Variants in LRP1B observed in about 807,000 individuals in gnomAD.
LRP1B encodes the protein LDL receptor related protein 1B, also known as low-density lipoprotein receptor-related protein 1B.
LRP1B carries 217 observed loss-of-function variants against 556.6 expected under a neutral mutation model. The observed-to-expected ratio is 0.39, with a 90% CI of 0.35 to 0.44. The LOEUF (loss-of-function observed/expected upper bound fraction) is 0.44. Among genes scored for constraint, LRP1B ranks in the 20% least tolerant of loss-of-function variants. LRP1B has a pLI of 1.00. For missense variants in LRP1B, 5,053 were observed against 5,620.8 expected (o/e 0.90, Z 3.23); for synonymous variants, 2,047 against 1,865.8 (o/e 1.10, Z -2.50).
intron 7 of LRP1B, among the ~76,000 whole-genome samples, chr2:141,182,489 A>G (rs1370724933): frequency 1.3e-5 from 2 of 151,968 alleles, no homozygotes; most frequent in East Asian, 3.9e-4. Context: ...GTTGTTTCAA[A>G]TATACACTGA....
chr2:141,298,911 G>A (rs1686286284), intron 3 of LRP1B, among the ~76,000 whole-genome samples: 1 of 146,562 alleles, frequency 6.8e-6, no homozygotes, highest in African/African-American at 2.5e-5. Context: ...CCAAGATCAT[G>A]CCATTCCACT....
At chr2:141,701,796 G>A (rs1218967637) in intron 2 of LRP1B, among the ~76,000 whole-genome samples, 2 of 151,760 alleles carry the variant, frequency 1.3e-5, no homozygotes, top group African/African-American at 4.8e-5. Flanking sequence ...TGTTCTGTTT[G>A]CATTCGGGTT....
chr2:140,306,229 T>C (rs151136534), intron 83 of LRP1B, among the ~76,000 whole-genome samples: 3,002 of 152,036 alleles, frequency 0.02, 95 homozygotes, highest in African/African-American at 0.069. Flanking sequence ...GAAGGAATAG[T>C]ACCAGCTCCT....
chr2:140,338,855 G>C (rs959304853), intron 77 of LRP1B, among the ~76,000 whole-genome samples: 1 of 151,578 alleles, frequency 6.6e-6, no homozygotes, highest in Non-Finnish European at 1.5e-5. Context: ...TTGGAGAGAA[G>C]AAAATATAAA....
At chr2:140,622,781 A>G (rs1426264957) in intron 41 of LRP1B, among the ~76,000 whole-genome samples, 1 of 152,216 alleles carries the variant, frequency 6.6e-6, no homozygotes, top group Non-Finnish European at 1.5e-5. Flanking sequence ...AACTAGAGTG[A>G]AGTTTGATTG....
At chr2:142,056,309 G>C (rs534785237) in intron 1 of LRP1B, among the ~76,000 whole-genome samples, 1 of 144,948 alleles carries the variant, frequency 6.9e-6, no homozygotes, top group African/African-American at 2.5e-5. Context: ...CTGGAAAAAA[G>C]ATATAGTGTG....
At chr2:141,017,427 C>CTTTTTTTTTTTTTTTTTT (rs1573985333) in intron 12 of LRP1B, among the ~76,000 whole-genome samples, 1 of 143,338 alleles carries the variant, frequency 7.0e-6, no homozygotes, top group East Asian at 2.1e-4. Flanking sequence ...TTTTTTTTTT[C>CTTTTTTTTTTTTTTTTTT]TGTGACTCAA....
At chr2:142,066,231 T>C (rs1705102408) in intron 1 of LRP1B, among the ~76,000 whole-genome samples, 2 of 151,376 alleles carry the variant, frequency 1.3e-5, no homozygotes, top group South Asian at 4.1e-4. Flanking sequence ...TTTTGCATTA[T>C]GTGCCATTAA....
At chr2:141,028,410 G>A (rs1698275423) in intron 11 of LRP1B, among the ~76,000 whole-genome samples, 1 of 151,772 alleles carries the variant, frequency 6.6e-6, no homozygotes, top group Non-Finnish European at 1.5e-5. Context: ...TGTTGATTCA[G>A]AAAGACTAGG....
intron 1 of LRP1B, among the ~76,000 whole-genome samples, chr2:142,049,484 T>G (rs1473715331): frequency 6.6e-6 from 1 of 152,124 alleles, no homozygotes; most frequent in East Asian, 1.9e-4. Context: ...AAATACTATA[T>G]GAACTATATG....
chr2:141,019,542 T>C (rs1698005718), intron 12 of LRP1B, among the ~76,000 whole-genome samples: 1 of 152,094 alleles, frequency 6.6e-6, no homozygotes, highest in South Asian at 2.1e-4. Flanking sequence ...CTAGGAAATG[T>C]ATAAAACTTT....
chr2:141,240,110 T>C (rs920761932), intron 5 of LRP1B, among the ~76,000 whole-genome samples: 5 of 152,064 alleles, frequency 3.3e-5, no homozygotes, highest in Admixed American at 2.6e-4. Context: ...CTAAAAGAAA[T>C]ACACACATTT....
chr2:140,252,089 A>AAAAAAAAAAAAC (rs1558926907), intron 86 of LRP1B, among the ~76,000 whole-genome samples: 3 of 67,254 alleles, frequency 4.5e-5, no homozygotes, highest in East Asian at 1.2e-3. Flanking sequence ...AAAAAAAAAA[A>AAAAAAAAAAAAC]CCCAAAAAAC....
chr2:141,788,803 C>T (rs1301403350), intron 2 of LRP1B, among the ~76,000 whole-genome samples: 3 of 150,906 alleles, frequency 2.0e-5, no homozygotes, highest in Non-Finnish European at 2.9e-5. Flanking sequence ...TTTTTTTGCC[C>T]TTGCGACAGT....
intron 25 of LRP1B, among the ~76,000 whole-genome samples, chr2:140,869,213 C>T (rs753625707): frequency 1.3e-5 from 2 of 152,118 alleles, no homozygotes; most frequent in South Asian, 2.1e-4. Flanking sequence ...CTGTTGAGAG[C>T]TTTTCATTCA....
At chr2:140,881,400 A>G (rs1272133082) in intron 25 of LRP1B, among the ~76,000 whole-genome samples, 2 of 152,064 alleles carry the variant, frequency 1.3e-5, no homozygotes, top group African/African-American at 4.8e-5. Flanking sequence ...TAATATTCAC[A>G]TTACATTATT....
At chr2:141,496,706 A>G (rs1303817903) in intron 2 of LRP1B, among the ~76,000 whole-genome samples, 1 of 152,058 alleles carries the variant, frequency 6.6e-6, no homozygotes. Flanking sequence ...ATAGTCAGGT[A>G]AAAATCTTCT....
chr2:140,849,410 CA>C (rs1275558550), intron 29 of LRP1B, among the ~76,000 whole-genome samples: 32 of 7,510 alleles, frequency 4.3e-3, no homozygotes, highest in African/African-American at 5.9e-3. Context: ...AAACAAAATC[CA>C]AAAAAAAAAA....
intron 3 of LRP1B, among the ~76,000 whole-genome samples, chr2:141,365,970 G>T (rs2105578707): frequency 6.6e-6 from 1 of 152,216 alleles, no homozygotes; most frequent in Non-Finnish European, 1.5e-5. Context: ...ACCGCACCCG[G>T]CCAACAAGTT....
Sources: allele counts gnomAD v4.1 joint callset (sites outside exome capture counted in the v4.1 genomes callset), GRCh38; gene constraint gnomAD v4.1.1; transcripts MANE v1.5; gene names NCBI Gene and HGNC (gene_info 2026-07-23, HGNC 2026-07-21).